Variants in CFAP36 observed in about 807,000 individuals in gnomAD.
CFAP36 encodes cilia- and flagella-associated protein 36.
A neutral mutation model predicts 50.5 loss-of-function variants in CFAP36; 37 were observed. The observed-to-expected ratio is 0.73, with a 90% CI of 0.56 to 0.96. The LOEUF is 0.96. Among genes scored for constraint, CFAP36 ranks in the 50% least tolerant of loss-of-function variants. The pLI is 0.00. For synonymous variants in CFAP36, 138 were observed against 128.2 expected (o/e 1.08, Z -0.52); for missense variants, 407 against 396.2 (o/e 1.03, Z -0.23).
chr2:55,542,110 C>T (rs1345742183), intron 7 of CFAP36, among the ~76,000 whole-genome samples: 1 of 152,162 alleles, frequency 6.6e-6, no homozygotes, highest in Non-Finnish European at 1.5e-5. Context: ...CTCTAGTTTG[C>T]TGACCCAAAT....
chr2:55,519,736 C>T lies in CFAP36; in HGVS notation c.-66C>T. 1 of 1,542,532 alleles carries T rather than the reference C, an allele frequency of 6.5e-7. No homozygotes were observed. Among genetic ancestry groups the T allele is most frequent in the Non-Finnish European group, 9.0e-7 (1 of 1,117,106 alleles). On this transcript the variant is annotated 5_prime_UTR_variant, in exon 1 of 10. Transcript: ENST00000349456. Reference sequence around the variant, plus strand: ...CTACTCCCTCTCGGCTCCTTGTGGCCCAAAGGCCTAACCGGGGTCCGGCGG... The same window carrying T: ...CTACTCCCTCTCGGCTCCTTGTGGCTCAAAGGCCTAACCGGGGTCCGGCGG...
intron 7 of CFAP36, 116 bp from the exon 8 acceptor site, chr2:55,543,822 A>G: frequency 1.0e-6 from 1 of 999,836 alleles, no homozygotes; most frequent in Non-Finnish European, 1.5e-6. Context: ...TGTTGACTGA[A>G]TGACTATGAG....
chr2:55,526,968 C>T (rs1442190689), intron 3 of CFAP36, among the ~76,000 whole-genome samples: 1 of 152,014 alleles, frequency 6.6e-6, no homozygotes, highest in Non-Finnish European at 1.5e-5. Context: ...TTTGAGGCTG[C>T]AGTGAGCTAT....
chr2:55,528,150 G>C (rs80051872), intron 3 of CFAP36, among the ~76,000 whole-genome samples: 13,434 of 150,942 alleles, frequency 0.089, 740 homozygotes, highest in South Asian at 0.14. Flanking sequence ...ACTGCGCCTG[G>C]CCACAATTTT....
chr2:55,535,665 A>G, intron 5 of CFAP36, 47 bp from the exon 6 acceptor site: 1 of 1,404,170 alleles, frequency 7.1e-7, no homozygotes, highest in East Asian at 2.6e-5. Flanking sequence ...TTGTTCTTTG[A>G]CCAAAAAAGG....
intron 7 of CFAP36, among the ~76,000 whole-genome samples, chr2:55,538,445 C>G (rs1684549643): frequency 6.6e-6 from 1 of 151,820 alleles, no homozygotes; most frequent in Non-Finnish European, 1.5e-5. Context: ...CAGGCAGGCA[C>G]CACCACGCCC....
chr2:55,529,670 G>A (rs1262852268), intron 4 of CFAP36, among the ~76,000 whole-genome samples: 30 of 133,286 alleles, frequency 2.3e-4, no homozygotes, highest in African/African-American at 2.8e-5. Flanking sequence ...TTTTTGAGAC[G>A]GAGTCTCGCT....
intron 1 of CFAP36, chr2:55,520,468 G>C: frequency 1.3e-6 from 2 of 1,548,602 alleles, no homozygotes; most frequent in Non-Finnish European, 1.7e-6. Context: ...TTGGTGGCCT[G>C]TGTTCCCCTT....
At chr2:55,520,807 G>A (rs1684043328) in intron 1 of CFAP36, among the ~76,000 whole-genome samples, 1 of 152,188 alleles carries the variant, frequency 6.6e-6, no homozygotes, top group African/African-American at 2.4e-5. Flanking sequence ...GTAGAATAGA[G>A]CTAGGGTCAG....
chr2:55,529,893 G>A (rs185810352), intron 4 of CFAP36, among the ~76,000 whole-genome samples: 10 of 152,140 alleles, frequency 6.6e-5, no homozygotes, highest in Admixed American at 2.6e-4. Flanking sequence ...TGATCCGCCC[G>A]CCTTGGCCTC....
intron 7 of CFAP36, among the ~76,000 whole-genome samples, chr2:55,541,747 G>T (rs1318672): frequency 0.22 from 33,432 of 152,078 alleles, 3,781 homozygotes; most frequent in East Asian, 0.34. Context: ...TGTTGAATCA[G>T]AAAGGTGAGA....
chr2:55,544,159 C>T, intron 8 of CFAP36, 61 bp from the exon 9 acceptor site: 1 of 1,607,960 alleles, frequency 6.2e-7, no homozygotes, highest in Non-Finnish European at 8.5e-7. Context: ...ACTCAGTGGG[C>T]ATCTGTGCTA....
intron 2 of CFAP36, among the ~76,000 whole-genome samples, chr2:55,523,108 A>AG (rs1558906476): frequency 1.4e-5 from 2 of 146,780 alleles, no homozygotes; most frequent in African/African-American, 2.5e-5. Flanking sequence ...AAAAAAAAAA[A>AG]AAAGAAAGAA....
chr2:55,531,711 A>C (rs1159615855), intron 4 of CFAP36, among the ~76,000 whole-genome samples: 1 of 152,216 alleles, frequency 6.6e-6, no homozygotes, highest in African/African-American at 2.4e-5. Context: ...AATTTCATGG[A>C]AACCCTCCAG....
chr2:55,524,906 G>A lies in CFAP36; in HGVS notation c.282+1084G>A, dbSNP rs186801099. 5.9e-3 allele frequency among the ~76,000 whole-genome samples: 896 copies of A among 152,032 alleles called. 33 individuals carry two copies. Among genetic ancestry groups the A allele is most frequent in the East Asian group, 0.049 (250 of 5,130 alleles). The stretch of plus-strand genomic sequence containing the variant: ...TGAGGCAGGAGAATCCCTTGAACCC[G>A]GGAGGCGGAGGTTGTGGTGAGCCAA... On this transcript the variant is annotated intron_variant, in intron 3 of 9. Coordinates refer to ENST00000349456, the MANE Select transcript of CFAP36 (RefSeq NM_080667.7).
intron 3 of CFAP36, among the ~76,000 whole-genome samples, chr2:55,525,046 C>G (rs774892448): frequency 6.6e-6 from 1 of 151,908 alleles, no homozygotes; most frequent in African/African-American, 2.4e-5. Flanking sequence ...AGTCCAAAGT[C>G]CACAGCTAAA....
intron 3 of CFAP36, 59 bp from the exon 4 acceptor site, chr2:55,528,812 GTTCGAAT>G: frequency 1.1e-6 from 1 of 895,266 alleles, no homozygotes; most frequent in Non-Finnish European, 1.8e-6. Flanking sequence ...AGTAGAAATG[GTTCGAAT>G]GTATGGGTAA....
intron 7 of CFAP36, among the ~76,000 whole-genome samples, chr2:55,541,531 G>A (rs1049454218): frequency 7.2e-5 from 11 of 152,138 alleles, no homozygotes; most frequent in Non-Finnish European, 1.5e-4. Flanking sequence ...CTGGTATAAA[G>A]GAAAGTGATA....
At chr2:55,543,879 T>TAACA in intron 7 of CFAP36, 59 bp from the exon 8 acceptor site, 1 of 1,499,956 alleles carries the variant, frequency 6.7e-7, no homozygotes, top group Non-Finnish European at 9.2e-7. Flanking sequence ...AAACCTAGCC[T>TAACA]AACACTTAAA....
Sources: allele counts gnomAD v4.1 joint callset (sites outside exome capture counted in the v4.1 genomes callset), GRCh38; gene constraint gnomAD v4.1.1; transcripts MANE v1.5; gene names NCBI Gene and HGNC (gene_info 2026-07-23, HGNC 2026-07-21).